SLC12A7: variants seen among roughly 807,000 people sequenced by gnomAD.
SLC12A7 encodes solute carrier family 12 member 7.
In SLC12A7, 100 loss-of-function variants were observed where a neutral mutation model predicts 120.6. The observed-to-expected ratio is 0.83, with a 90% CI of 0.71 to 0.98. SLC12A7 has a LOEUF of 0.98. SLC12A7 is among the 50% of genes least tolerant of loss of function. The probability of loss-of-function intolerance (pLI) is 0.00; values close to 1 mark genes in which losing one functional copy is unlikely to be tolerated. For synonymous variants in SLC12A7, 760 were observed against 678.0 expected (o/e 1.12, Z -1.88); for missense variants, 1,373 against 1,548.1 (o/e 0.89, Z 1.90).
At chr5:1,055,425 A>G (rs950154252) in intron 22 of SLC12A7, among the ~76,000 whole-genome samples, 1 of 152,234 alleles carries the variant, frequency 6.6e-6, no homozygotes, top group Non-Finnish European at 1.5e-5. Flanking sequence ...GGGACGTCAC[A>G]GTAAGCCACG....
In SLC12A7 at chr5:1,083,440, C is replaced by T. The variant is rs532287777; in HGVS notation, c.1129+305G>A. On this transcript the variant is annotated intron_variant, in intron 8 of 23. Coordinates refer to ENST00000264930, the MANE Select transcript of SLC12A7 (RefSeq NM_006598.3). The stretch of plus-strand genomic sequence containing the variant: ...GAAGTTACCGCCCAGCTACCACTCC[C>T]TTCTTAACACAGCAAGTTCCCCATA... Among the ~76,000 whole-genome samples, 5 of 152,354 alleles carry T rather than the reference C, an allele frequency of 3.3e-5. No individual in the cohort carries two copies. The East Asian group carries it at 9.6e-4, about 29-fold the overall frequency.
rs1185073903 is a variant in SLC12A7, at chr5:1,053,344, G to C, written c.3160+5C>G. On this transcript the variant is annotated splice_donor_5th_base_variant and intron_variant, in intron 23 of 23. Coordinates refer to ENST00000264930, the MANE Select transcript of SLC12A7 (RefSeq NM_006598.3). ...GCTCAGCAGGCACACTGCAAGAAAG[G>C]ATACAGTTCTCGTCTCCCTGCCGGT... The C allele has an allele frequency of 1.2e-6, 2 of 1,613,462 alleles. No individual in the cohort carries two copies. The highest frequency in any genetic ancestry group is 1.7e-6 in the Non-Finnish European group (2 of 1,179,860).
intron 9 of SLC12A7, among the ~76,000 whole-genome samples, chr5:1,080,698 A>C (rs111311416): frequency 0.017 from 2,524 of 152,246 alleles, 73 homozygotes; most frequent in African/African-American, 0.057. Context: ...CCCCCTGGGG[A>C]ACAACCAAGG....
chr5:1,052,343 C>G lies in SLC12A7; in HGVS notation c.*17G>C. ...GTCCTCCGTGCCTGTCCCAGAGTGCCGTGATGCTGTTGGGCATTAGGAGTA... is the reference window on the plus strand; with the variant it reads ...GTCCTCCGTGCCTGTCCCAGAGTGCGGTGATGCTGTTGGGCATTAGGAGTA... On this transcript the variant is annotated 3_prime_UTR_variant, in exon 24 of 24. Coordinates refer to ENST00000264930, the MANE Select transcript of SLC12A7 (RefSeq NM_006598.3). The G allele has an allele frequency of 6.2e-7, 1 of 1,607,396 alleles. No homozygotes were observed. The highest frequency in any genetic ancestry group is 1.1e-5 in the South Asian group (1 of 90,968).
At chr5:1,052,509 T>TC in intron 23 of SLC12A7, 58 bp from the exon 24 acceptor site, 4 of 1,415,788 alleles carry the variant, frequency 2.8e-6, no homozygotes, top group Non-Finnish European at 4.0e-6. Flanking sequence ...GTAGCTGAAA[T>TC]CGTGATAGGA....
At chr5:1,122,900 A>T in the SLC12A7 span, among the ~76,000 whole-genome samples, 1 of 152,248 alleles carries the variant, frequency 6.6e-6, no homozygotes, top group Non-Finnish European at 1.5e-5. Context: ...AAAAATGAAA[A>T]TGTGTAAAAT....
intron 3 of SLC12A7, 39 bp downstream of exon 3, chr5:1,093,494 G>GGGGCGGGGACGGGGCGGGGACT (rs1740752246): frequency 3.3e-6 from 5 of 1,511,130 alleles, no homozygotes; most frequent in Non-Finnish European, 4.5e-6. Flanking sequence ...CGGGACACAC[G>GGGGCGGGGACGGGGCGGGGACT]GGGCGGGGAC....
chr5:1,074,424 A>G (rs1738087876), intron 16 of SLC12A7, 143 bp downstream of exon 16: 1 of 708,736 alleles, frequency 1.4e-6, no homozygotes, highest in Admixed American at 2.8e-5. Flanking sequence ...TCCGCTCTGC[A>G]CCAGGCAGTG....
chr5:1,121,630 G>A, the SLC12A7 span, among the ~76,000 whole-genome samples: 1 of 152,212 alleles, frequency 6.6e-6, no homozygotes, highest in African/African-American at 2.4e-5. Flanking sequence ...CCAGTGAGTG[G>A]CAGGCAGGGA....
chr5:1,065,849 C>T (rs536246084), intron 17 of SLC12A7, among the ~76,000 whole-genome samples: 1 of 151,156 alleles, frequency 6.6e-6, no homozygotes, highest in Non-Finnish European at 1.5e-5. Context: ...CAGAAACACC[C>T]GAAAATGGGC....
In SLC12A7 at chr5:1,053,782, G is replaced by A. The variant is rs772803288; in HGVS notation, c.3027-300C>T. Reference sequence around the variant, plus strand: ...CAGTCACACAACACAAACCGCAAGCGCTTTCCTAACTACATCTACATCTGC... The same window carrying A: ...CAGTCACACAACACAAACCGCAAGCACTTTCCTAACTACATCTACATCTGC... On this transcript the variant is annotated intron_variant, in intron 22 of 23. Transcript: ENST00000264930. Among the ~76,000 whole-genome samples the A allele has an allele frequency of 1.3e-4, 20 of 152,342 alleles. No individual in the cohort carries two copies. The East Asian group carries it at 1.7e-3, about 13-fold the overall frequency.
rs201832498 is a variant in SLC12A7 at position 1,089,122 on chromosome 5, G to A, written c.349C>T (p.Arg117Cys). Reference protein sequence around the residue: ...ESRRREAKAPRMGTFIGVYLP... With the variant: ...ESRRREAKAPCMGTFIGVYLP... Reference sequence around the variant, plus strand: ...TAGACGCCGATGAAGGTGCCCATGCGCGGAGCCTGCGACAGAGCATAGCGT... The same window carrying A: ...TAGACGCCGATGAAGGTGCCCATGCACGGAGCCTGCGACAGAGCATAGCGT... Residue 117 changes from arginine (R) to cysteine (C), a missense_variant, in exon 4 of 24, where the codon CGC becomes TGC. Coordinates refer to ENST00000264930, the MANE Select transcript of SLC12A7 (RefSeq NM_006598.3). The A allele has an allele frequency of 3.9e-5, 63 of 1,612,496 alleles. No homozygotes were observed. In the East Asian group the frequency reaches 1.0e-3, roughly 27 times the overall value.
In SLC12A7 at chr5:1,051,624, C is replaced by T. The variant is rs992798676; in HGVS notation, c.*736G>A. ...ACAGCCCGGCATGGCAGAGCCACAG[C>T]TGGGGGCCCCTTCCCGGAGCGTAGG... On this transcript the variant is annotated 3_prime_UTR_variant, in exon 24 of 24. Coordinates refer to ENST00000264930, the MANE Select transcript of SLC12A7 (RefSeq NM_006598.3). 6.6e-6 allele frequency: 1 copy of T among 152,314 alleles called. No homozygotes were observed. Among genetic ancestry groups the T allele is most frequent in the Non-Finnish European group, 1.5e-5 (1 of 68,102 alleles). 9.4% of individuals were successfully genotyped at this position (152,314 alleles called of 1,614,324 possible). A position where few individuals can be genotyped will look rare whatever the true frequency, so the allele number is the denominator to read the frequency against.
chr5:1,065,267 C>A lies in SLC12A7; in HGVS notation c.2437+16G>T, dbSNP rs761626646. On this transcript the variant is annotated intron_variant, in intron 18 of 23. Transcript: ENST00000264930. The stretch of plus-strand genomic sequence containing the variant: ...GGACGGTGAGGGGATGCCGAAGGGC[C>A]GCCAGCCATGCCTACCCACAAAGTT... 1 of 1,541,456 alleles carries A rather than the reference C, an allele frequency of 6.5e-7. No individual in the cohort carries two copies. Among genetic ancestry groups the A allele is most frequent in the Non-Finnish European group, 8.8e-7 (1 of 1,139,062 alleles).
the SLC12A7 span, among the ~76,000 whole-genome samples, chr5:1,121,040 T>C: frequency 6.6e-6 from 1 of 152,202 alleles, no homozygotes; most frequent in African/African-American, 2.4e-5. Flanking sequence ...TGCTGCACGG[T>C]AGACTCGGTG....
At chr5:1,138,290 C>A in the SLC12A7 span, among the ~76,000 whole-genome samples, 1 of 152,186 alleles carries the variant, frequency 6.6e-6, no homozygotes, top group Admixed American at 6.5e-5. Flanking sequence ...CTTTTATTCC[C>A]TTATTTGACC....
Position 1,088,170 on chromosome 5 carries a change from C to T in SLC12A7, c.544+136G>A, listed in dbSNP as rs1740095417. ...AAACGCCAGAGGAGCCAGTGGAGAA[C>T]ACGCAGAAGGCCCGGCTGAGACCCC... On this transcript the variant is annotated intron_variant, in intron 5 of 23. Coordinates refer to ENST00000264930, the MANE Select transcript of SLC12A7 (RefSeq NM_006598.3). 7.9e-6 allele frequency: 6 copies of T among 760,810 alleles called. No homozygotes were observed. In the East Asian group the frequency reaches 1.7e-4, roughly 21 times the overall value. The allele number at this position is 760,810 out of a possible 1,614,324, so 47.1% of individuals were successfully genotyped here.
chr5:1,089,656 C>T (rs1056960017), intron 3 of SLC12A7, among the ~76,000 whole-genome samples: 18 of 152,236 alleles, frequency 1.2e-4, no homozygotes, highest in Admixed American at 3.3e-4. Context: ...GAGGTCACCA[C>T]GAGATAACAG....
At position 1,063,972 on chromosome 5, in the gene SLC12A7, A is replaced by G; in HGVS notation, c.2611T>C (p.Trp871Arg). 1 of 1,611,776 alleles carries G rather than the reference A, an allele frequency of 6.2e-7. No homozygotes were observed. Among genetic ancestry groups the G allele is most frequent in the Non-Finnish European group, 8.5e-7 (1 of 1,179,458 alleles). Residue 871 changes from tryptophan to arginine, a missense_variant, in exon 20 of 24, where the codon TGG becomes CGG. Physicochemically the swap from Trp to Arg is moderately radical, Grantham distance 101. Coordinates refer to ENST00000264930, the MANE Select transcript of SLC12A7 (RefSeq NM_006598.3). ...LPFLLRQHKV[W>R]RKCRMRIFTV... The stretch of plus-strand genomic sequence containing the variant: ...AAGATACGCATCCGGCACTTCCTCC[A>G]CACCTGCAGACAGGGAGGGCATGGC...
Sources: gnomAD v4.1 joint callset for allele counts (sites outside exome capture counted in the v4.1 genomes callset) on GRCh38, gnomAD v4.1.1 for gene constraint, MANE v1.5 for transcripts, NCBI Gene and HGNC (gene_info 2026-07-23, HGNC 2026-07-21) for gene names.